CSMD3: variants seen among roughly 807,000 people sequenced by gnomAD.
The protein encoded by CSMD3 is CUB and Sushi multiple domains 3, also known as CUB and sushi domain-containing protein 3.
Under a neutral mutation model 435.2 loss-of-function variants are expected in CSMD3, and 177 were observed. That is an observed-to-expected ratio of 0.41 (90% CI 0.36 to 0.46). The LOEUF (loss-of-function observed/expected upper bound fraction) is 0.46, where lower values mean the gene tolerates loss of function less well. Among genes scored for constraint, CSMD3 ranks in the 20% least tolerant of loss-of-function variants. The pLI, the probability that CSMD3 is intolerant of heterozygous loss-of-function variation, is 0.34. For missense variants in CSMD3, 4,265 were observed against 4,504.6 expected (o/e 0.95, Z 1.52); for synonymous variants, 1,656 against 1,520.5 (o/e 1.09, Z -2.07).
intron 22 of CSMD3, among the ~76,000 whole-genome samples, chr8:112,588,795 T>C (rs1289258098): frequency 1.3e-5 from 2 of 152,162 alleles, no homozygotes; most frequent in Non-Finnish European, 2.9e-5. Flanking sequence ...ATTCATACTA[T>C]GCCTCTGTGA....
intron 16 of CSMD3, among the ~76,000 whole-genome samples, chr8:112,678,502 C>G (rs957521237): frequency 7.2e-5 from 11 of 152,026 alleles, no homozygotes; most frequent in Admixed American, 3.3e-4. Context: ...TCTGGTAAAG[C>G]AAATCAGAGC....
Position 113,281,257 on chromosome 8 carries a change from C to T in CSMD3, c.402-2553G>A, listed in dbSNP as rs559096001. Among the ~76,000 whole-genome samples the T allele has an allele frequency of 5.9e-5, 9 of 151,802 alleles. No individual in the cohort carries two copies. In the South Asian group the frequency reaches 8.3e-4, roughly 14 times the overall value. Reference sequence around the variant, plus strand: ...TCTGTCTTGACCTGTCTAGTACTGTCGGTGGAGTGTTGAAGTCCCCCACTA... The same window carrying T: ...TCTGTCTTGACCTGTCTAGTACTGTTGGTGGAGTGTTGAAGTCCCCCACTA... On this transcript the variant is annotated intron_variant, in intron 2 of 70. Coordinates refer to ENST00000297405, the MANE Select transcript of CSMD3 (RefSeq NM_198123.2).
chr8:112,398,078 T>C (rs1831002726), intron 35 of CSMD3, among the ~76,000 whole-genome samples: 1 of 152,118 alleles, frequency 6.6e-6, no homozygotes, highest in South Asian at 2.1e-4. Context: ...GGACAGATAT[T>C]TCCATTCTTA....
intron 13 of CSMD3, among the ~76,000 whole-genome samples, chr8:112,760,267 G>C (rs1168239196): frequency 6.6e-6 from 1 of 152,094 alleles, no homozygotes; most frequent in Non-Finnish European, 1.5e-5. Context: ...TATTCTTCAA[G>C]AGCAGTCACT....
intron 1 of CSMD3, among the ~76,000 whole-genome samples, chr8:113,424,854 T>C (rs74728230): frequency 0.018 from 2,753 of 151,624 alleles, 97 homozygotes; most frequent in African/African-American, 0.061. Flanking sequence ...GATAAGGTAA[T>C]GATACAATAT....
intron 5 of CSMD3, among the ~76,000 whole-genome samples, chr8:113,086,340 G>A (rs796861602): frequency 2.6e-5 from 4 of 151,558 alleles, no homozygotes; most frequent in African/African-American, 9.7e-5. Flanking sequence ...TATAGAAATA[G>A]AGAATAAATT....
At chr8:112,274,767 A>G (rs1233897368) in intron 59 of CSMD3, among the ~76,000 whole-genome samples, 1 of 152,194 alleles carries the variant, frequency 6.6e-6, no homozygotes, top group African/African-American at 2.4e-5. Context: ...AAATTTAAAG[A>G]AGTCCTTCCA....
intron 13 of CSMD3, among the ~76,000 whole-genome samples, chr8:112,794,578 A>G (rs1260525518): frequency 6.6e-6 from 1 of 151,970 alleles, no homozygotes; most frequent in East Asian, 1.9e-4. Context: ...TATAGGTATG[A>G]GCCACTGCGT....
chr8:112,536,548 G>C (rs572204044), intron 27 of CSMD3, among the ~76,000 whole-genome samples: 2 of 152,268 alleles, frequency 1.3e-5, no homozygotes, highest in South Asian at 4.1e-4. Context: ...TGGAGAAATA[G>C]GAACACTTTT....
At chr8:112,998,675 G>A (rs2085744681) in intron 6 of CSMD3, among the ~76,000 whole-genome samples, 1 of 151,852 alleles carries the variant, frequency 6.6e-6, no homozygotes. Flanking sequence ...ATTTAATATG[G>A]TTTGGATTTG....
At chr8:112,444,319 T>C (rs1815362064) in intron 32 of CSMD3, among the ~76,000 whole-genome samples, 1 of 152,202 alleles carries the variant, frequency 6.6e-6, no homozygotes, top group Non-Finnish European at 1.5e-5. Context: ...AAGTTTAACA[T>C]ACACCTTCCC....
intron 32 of CSMD3, among the ~76,000 whole-genome samples, chr8:112,438,972 T>C (rs1246861611): frequency 6.6e-6 from 1 of 152,188 alleles, no homozygotes; most frequent in Non-Finnish European, 1.5e-5. Flanking sequence ...CATTGTCTTG[T>C]ACTCTTGCTA....
intron 30 of CSMD3, among the ~76,000 whole-genome samples, chr8:112,494,346 C>T (rs1215843262): frequency 3.4e-5 from 5 of 149,010 alleles, no homozygotes; most frequent in Admixed American, 6.7e-5. Context: ...TTTGTTCTTT[C>T]GTTCTTTCTT....
At chr8:112,398,442 CACTGG>C (rs1831035746) in intron 35 of CSMD3, among the ~76,000 whole-genome samples, 1 of 152,214 alleles carries the variant, frequency 6.6e-6, no homozygotes, top group South Asian at 2.1e-4. Flanking sequence ...TCTGTAGCTC[CACTGG>C]ACATTTTTCC....
chr8:113,433,975 G>C (rs1259936881), intron 1 of CSMD3, among the ~76,000 whole-genome samples: 1 of 152,130 alleles, frequency 6.6e-6, no homozygotes, highest in African/African-American at 2.4e-5. Context: ...TCAGTTTGGT[G>C]CTCTCCACAG....
At chr8:112,900,465 T>C (rs1587620816) in intron 10 of CSMD3, among the ~76,000 whole-genome samples, 2 of 151,226 alleles carry the variant, frequency 1.3e-5, no homozygotes, top group Non-Finnish European at 3.0e-5. Context: ...TTGTAATTCA[T>C]AGTATGTGCA....
At chr8:112,594,063 G>A (rs1424575431) in intron 22 of CSMD3, among the ~76,000 whole-genome samples, 1 of 152,170 alleles carries the variant, frequency 6.6e-6, no homozygotes, top group Non-Finnish European at 1.5e-5. Flanking sequence ...CCCAGTGTGA[G>A]CGACGCAGAA....
intron 7 of CSMD3, among the ~76,000 whole-genome samples, chr8:112,957,579 G>C (rs2084070853): frequency 6.8e-6 from 1 of 146,754 alleles, no homozygotes; most frequent in Admixed American, 6.9e-5. Context: ...TCAGCCCCTC[G>C]AGTAGCTGGG....
intron 2 of CSMD3, 148 bp from the exon 3 acceptor site, chr8:113,278,852 T>G (rs1365561544): frequency 3.3e-6 from 2 of 603,464 alleles, no homozygotes; most frequent in Admixed American, 4.7e-5. Context: ...ACACCTTGAT[T>G]TCAGCCCAGT....
Sources: gnomAD v4.1 joint callset for allele counts (sites outside exome capture counted in the v4.1 genomes callset) on GRCh38, gnomAD v4.1.1 for gene constraint, MANE v1.5 for transcripts, NCBI Gene and HGNC (gene_info 2026-07-23, HGNC 2026-07-21) for gene names.